PRIMPOL: variants seen among roughly 807,000 people sequenced by gnomAD.
The protein encoded by PRIMPOL is primase and DNA directed polymerase.
Under a neutral mutation model 63.6 loss-of-function variants are expected in PRIMPOL, and 54 were observed. The ratio of observed to expected loss-of-function variants is 0.85; its 90% CI spans 0.68 to 1.07. PRIMPOL has a LOEUF of 1.07. Among genes scored for constraint, PRIMPOL ranks in the 50% least tolerant of loss-of-function variants. PRIMPOL has a pLI of 0.00. For synonymous variants in PRIMPOL, 197 were observed against 220.2 expected, an observed-to-expected ratio of 0.89 and a Z score of 0.93; for missense variants, 610 against 648.3, an observed-to-expected ratio of 0.94 and a Z score of 0.64.
At chr4:184,671,835 T>C (rs1050579906) in intron 6 of PRIMPOL, among the ~76,000 whole-genome samples, 43 of 149,388 alleles carry the variant, frequency 2.9e-4, no homozygotes, top group Non-Finnish European at 1.3e-4. Context: ...CTCCGCTTCC[T>C]GGGTTCATGC....
intron 2 of PRIMPOL, among the ~76,000 whole-genome samples, chr4:184,654,996 G>A (rs1186716349): frequency 2.0e-5 from 3 of 151,736 alleles, no homozygotes; most frequent in African/African-American, 7.3e-5. Flanking sequence ...AGGTCATGAT[G>A]TACTATCCCT....
chr4:184,691,420 C>G, intron 11 of PRIMPOL, 79 bp from the exon 12 acceptor site: 1 of 813,876 alleles, frequency 1.2e-6, no homozygotes, highest in Middle Eastern at 3.6e-4. Flanking sequence ...AGGCATATTT[C>G]TTGGAACAGC....
intron 5 of PRIMPOL, among the ~76,000 whole-genome samples, chr4:184,665,046 G>A (rs1223650469): frequency 6.6e-6 from 1 of 152,138 alleles, no homozygotes; most frequent in African/African-American, 2.4e-5. Flanking sequence ...ACTGACGGCA[G>A]TTCATAAACA....
chr4:184,661,897 C>T lies in PRIMPOL; in HGVS notation c.402C>T (p.Leu134=), dbSNP rs1478913107. The T allele has an allele frequency of 5.6e-6, 9 of 1,610,090 alleles. No individual in the cohort carries two copies. The South Asian group carries it at 8.9e-5, about 16-fold the overall frequency. ...GADGKKMVAL[L]IEYVCKALQE... ...ATGGGAAAAAGATGGTTGCATTACTCATTGAGGTAAATGGCCAACTCAAGT... is the reference window on the plus strand; with the variant it reads ...ATGGGAAAAAGATGGTTGCATTACTTATTGAGGTAAATGGCCAACTCAAGT... The change falls in exon 5 of 14, where the codon CTC becomes CTT. Residue 134 remains leucine (L), a synonymous_variant. Coordinates refer to ENST00000314970, the MANE Select transcript of PRIMPOL (RefSeq NM_152683.4).
At chr4:184,668,945 C>A (rs1308633386) in intron 6 of PRIMPOL, among the ~76,000 whole-genome samples, 1 of 151,834 alleles carries the variant, frequency 6.6e-6, no homozygotes, top group African/African-American at 2.4e-5. Context: ...AGTCGGCAGC[C>A]TCATCTCCCG....
chr4:184,694,731 A>C lies in PRIMPOL; in HGVS notation c.1635A>C (p.Glu545Asp). Residue 545 changes from glutamate to aspartate, a missense_variant, in exon 14 of 14, where the codon GAA (glutamate) becomes GAC (aspartate). By Grantham distance (45) the Glu-to-Asp change is conservative. Coordinates refer to ENST00000314970, the MANE Select transcript of PRIMPOL (RefSeq NM_152683.4). ...AENSLLSYNS[E>D]VDEIPDELII... ...ACAGTCTTCTCAGTTATAACAGTGA[A>C]GTGGATGAAATTCCTGATGAACTAA... The C allele has an allele frequency of 6.2e-7, 1 of 1,612,720 alleles. No individual in the cohort carries two copies. Among genetic ancestry groups the C allele is most frequent in the Non-Finnish European group, 8.5e-7 (1 of 1,178,694 alleles).
rs1259808333 is a variant in PRIMPOL at position 184,694,623 on chromosome 4, T to C, written c.1527T>C (p.Ala509=). 2 of 1,614,030 alleles carry C rather than the reference T, an allele frequency of 1.2e-6. No individual in the cohort carries two copies. Among genetic ancestry groups the C allele is most frequent in the African/African-American group, 1.3e-5 (1 of 74,932 alleles). The change falls in exon 14 of 14, where the codon GCT becomes GCC. Residue 509 remains alanine, a synonymous_variant. Transcript: ENST00000314970. ...SPSRLSTGAS[A]DAVWDNGIDD... ...GCAGGCTGTCAACAGGTGCATCTGC[T>C]GATGCTGTCTGGGATAATGGCATTG...
intron 4 of PRIMPOL, among the ~76,000 whole-genome samples, chr4:184,660,658 T>C (rs1748076601): frequency 6.6e-6 from 1 of 152,234 alleles, no homozygotes; most frequent in Admixed American, 6.5e-5. Flanking sequence ...TGAAAATCAT[T>C]AAGACAATGT....
intron 9 of PRIMPOL, among the ~76,000 whole-genome samples, chr4:184,683,956 G>T (rs1756338779): frequency 6.6e-6 from 1 of 152,046 alleles, no homozygotes; most frequent in African/African-American, 2.4e-5. Flanking sequence ...AAAATTATGT[G>T]TATGGTATGA....
In PRIMPOL at chr4:184,671,822, A is replaced by G. The variant is rs1425183592; in HGVS notation, c.557-351A>G. ...CAGTGGCGCGATCTTGGCTCACTGC[A>G]AGCTCCGCTTCCTGGGTTCATGCCA... On this transcript the variant is annotated intron_variant, in intron 6 of 13. Transcript: ENST00000314970. Among the ~76,000 whole-genome samples, 4 of 148,734 alleles carry G rather than the reference A, an allele frequency of 2.7e-5. No homozygotes were observed. The Admixed American group carries it at 2.7e-4, about 10-fold the overall frequency.
intron 4 of PRIMPOL, among the ~76,000 whole-genome samples, chr4:184,660,538 C>A (rs1748038604): frequency 6.6e-6 from 1 of 152,156 alleles, no homozygotes; most frequent in Admixed American, 6.5e-5. Flanking sequence ...AAATTGTTAG[C>A]ATGCCCTATA....
chr4:184,685,433 G>T lies in PRIMPOL; in HGVS notation c.1121G>T (p.Cys374Phe). Residue 374 changes from cysteine to phenylalanine, a missense_variant, in exon 10 of 14, where the codon TGT (cysteine) becomes TTT (phenylalanine). Transcript: ENST00000314970. ...TSVETIEGFQ[C>F]SPYPEVDHFV... ...GTAGAAACCATTGAAGGTTTTCAGT[G>T]TTCTCCCTATCCTGAAGTTGATCAT... The T allele has an allele frequency of 1.2e-6, 2 of 1,612,080 alleles. No individual in the cohort carries two copies. Among genetic ancestry groups the T allele is most frequent in the Non-Finnish European group, 8.5e-7 (1 of 1,178,194 alleles).
chr4:184,666,592 C>T (rs1376219098), intron 6 of PRIMPOL, among the ~76,000 whole-genome samples: 3 of 152,226 alleles, frequency 2.0e-5, no homozygotes. Context: ...ATCCTAGATA[C>T]TGGGATGGCC....
chr4:184,665,554 A>AGTG (rs1749638657), intron 5 of PRIMPOL, among the ~76,000 whole-genome samples: 1 of 140,398 alleles, frequency 7.1e-6, no homozygotes, highest in Non-Finnish European at 1.5e-5. Flanking sequence ...CCCAGACTGG[A>AGTG]GTGCAGTGGC....
At chr4:184,668,080 G>A (rs871253) in intron 6 of PRIMPOL, among the ~76,000 whole-genome samples, 18,906 of 152,100 alleles carry the variant, frequency 0.12, 1,240 homozygotes, top group Middle Eastern at 0.17. Flanking sequence ...TTGATGATCA[G>A]CCACCATCAT....
At chr4:184,682,374 C>A in intron 9 of PRIMPOL, 38 bp downstream of exon 9, 2 of 1,132,388 alleles carry the variant, frequency 1.8e-6, no homozygotes, top group Non-Finnish European at 2.7e-6. Context: ...TTTGAGACAG[C>A]ATCTCTCATT....
At chr4:184,685,289 A>G (rs1173014345) in intron 9 of PRIMPOL, 120 bp from the exon 10 acceptor site, 2 of 697,562 alleles carry the variant, frequency 2.9e-6, no homozygotes, top group South Asian at 1.7e-5. Context: ...CTGAAATTGC[A>G]AAGAGTGAGG....
chr4:184,671,886 G>GCA (rs1183386049), intron 6 of PRIMPOL, among the ~76,000 whole-genome samples: 6 of 148,286 alleles, frequency 4.0e-5, no homozygotes, highest in Non-Finnish European at 9.0e-5. Context: ...GGGATTACAG[G>GCA]CGCACCACCA....
At position 184,661,932 on chromosome 4, in the gene PRIMPOL, T is replaced by TCTA. The variant is rs202112265; in HGVS notation, c.408+29_408+30insCTA. ...AATGGCCAACTCAAGTTTTTCTTAT[T>TCTA]TCTATCCATCTCTTCATTGGCTTAT... On this transcript the variant is annotated intron_variant, in intron 5 of 13. Transcript: ENST00000314970. The TCTA allele has an allele frequency of 1.7e-5, 24 of 1,399,588 alleles. 1 individual carries two copies. In the East Asian group the frequency reaches 6.0e-4, roughly 35 times the overall value. The allele number at this position is 1,399,588 out of a possible 1,614,324, so 86.7% of individuals were successfully genotyped here. A position where few individuals can be genotyped will look rare whatever the true frequency, so the allele number is the denominator to read the frequency against.
Sources: gnomAD v4.1 joint callset for allele counts (sites outside exome capture counted in the v4.1 genomes callset) on GRCh38, gnomAD v4.1.1 for gene constraint, MANE v1.5 for transcripts, NCBI Gene and HGNC (gene_info 2026-07-23, HGNC 2026-07-21) for gene names.